ATG5: variants seen among roughly 807,000 people sequenced by gnomAD.
The protein encoded by ATG5 is autophagy related 5, also known as autophagy protein 5.
ATG5 carries 14 observed loss-of-function variants against 36.5 expected under a neutral mutation model. The observed-to-expected ratio is 0.38, with a 90% CI of 0.25 to 0.60. The LOEUF (loss-of-function observed/expected upper bound fraction) is 0.60, where lower values mean the gene tolerates loss of function less well. Among genes scored for constraint, ATG5 ranks in the 20% least tolerant of loss-of-function variants. The pLI is 0.60. For missense variants in ATG5, 195 were observed against 326.7 expected, an observed-to-expected ratio of 0.60 and a Z score of 3.11; for synonymous variants, 95 against 101.5, an observed-to-expected ratio of 0.94 and a Z score of 0.38.
At chr6:106,263,274 G>A (rs1485430477) in intron 5 of ATG5, among the ~76,000 whole-genome samples, 1 of 152,228 alleles carries the variant, frequency 6.6e-6, no homozygotes, top group Non-Finnish European at 1.5e-5. Flanking sequence ...AGTGGCTGTG[G>A]CCAGAGTCCT....
At chr6:106,252,892 G>A (rs970797690) in intron 5 of ATG5, among the ~76,000 whole-genome samples, 2 of 152,192 alleles carry the variant, frequency 1.3e-5, no homozygotes, top group Non-Finnish European at 2.9e-5. Flanking sequence ...AAGACAGACT[G>A]TAAGCTTGTC....
At position 106,226,533 on chromosome 6, in the gene ATG5, A is replaced by C. The variant is rs530229790; in HGVS notation, c.573+21617T>G. Among the ~76,000 whole-genome samples the C allele has an allele frequency of 3.9e-5, 6 of 152,292 alleles. No homozygotes were observed. The South Asian group carries it at 1.0e-3, about 26-fold the overall frequency. ...AGAGTTATTTTAAATATGCGCAAAGAACTAAAAAAAAGTTTATCTAAAGAA... is the reference window on the plus strand; with the variant it reads ...AGAGTTATTTTAAATATGCGCAAAGCACTAAAAAAAAGTTTATCTAAAGAA... On this transcript the variant is annotated intron_variant, in intron 6 of 7. Coordinates refer to ENST00000369076, the MANE Select transcript of ATG5 (RefSeq NM_004849.4).
At chr6:106,275,630 A>C (rs1779613238) in intron 5 of ATG5, among the ~76,000 whole-genome samples, 1 of 152,238 alleles carries the variant, frequency 6.6e-6, no homozygotes, top group African/African-American at 2.4e-5. Flanking sequence ...CAACAGTCAC[A>C]TAAGAAACAA....
chr6:106,224,701 C>A (rs187567268), intron 6 of ATG5, among the ~76,000 whole-genome samples: 211 of 152,152 alleles, frequency 1.4e-3, no homozygotes, highest in African/African-American at 4.3e-3. Flanking sequence ...GATGGAGAAA[C>A]CCTGTCTCCC....
At chr6:106,273,210 C>T (rs1025732912) in intron 5 of ATG5, among the ~76,000 whole-genome samples, 6 of 152,122 alleles carry the variant, frequency 3.9e-5, no homozygotes, top group African/African-American at 1.4e-4. Context: ...TACAACAGAA[C>T]CTGACACTGT....
intron 3 of ATG5, among the ~76,000 whole-genome samples, chr6:106,298,206 G>A (rs1053242638): frequency 1.1e-4 from 16 of 151,898 alleles, no homozygotes; most frequent in Admixed American, 2.6e-4. Flanking sequence ...TGATCTGTCC[G>A]CCTCGGCCTC....
intron 3 of ATG5, among the ~76,000 whole-genome samples, chr6:106,299,447 C>A (rs1770115092): frequency 6.6e-6 from 1 of 152,122 alleles, no homozygotes; most frequent in Non-Finnish European, 1.5e-5. Flanking sequence ...AACACCAACT[C>A]TTATCCAGAA....
intron 7 of ATG5, among the ~76,000 whole-genome samples, chr6:106,200,447 T>A (rs1014659812): frequency 3.3e-5 from 5 of 152,218 alleles, no homozygotes; most frequent in South Asian, 2.1e-4. Flanking sequence ...TTAAAAAAAA[T>A]TTCTATTATA....
At chr6:106,291,619 TTA>T (rs1780310573) in intron 4 of ATG5, among the ~76,000 whole-genome samples, 1 of 152,208 alleles carries the variant, frequency 6.6e-6, no homozygotes, top group African/African-American at 2.4e-5. Flanking sequence ...TCAAAGTATT[TTA>T]GAGCTTATTT....
At chr6:106,195,808 TAAA>T (rs35892579) in intron 7 of ATG5, among the ~76,000 whole-genome samples, 1,742 of 91,332 alleles carry the variant, frequency 0.019, 14 homozygotes, top group Middle Eastern at 0.067. Flanking sequence ...TGCTCCCCTC[TAAA>T]AAAAAAAAAA....
At chr6:106,211,106 T>C (rs1300711711) in intron 6 of ATG5, among the ~76,000 whole-genome samples, 5 of 152,214 alleles carry the variant, frequency 3.3e-5, no homozygotes, top group Non-Finnish European at 7.3e-5. Flanking sequence ...TGACCATTTA[T>C]GGCTAGAAGG....
intron 7 of ATG5, among the ~76,000 whole-genome samples, chr6:106,192,483 T>C (rs563169262): frequency 7.2e-4 from 110 of 152,272 alleles, no homozygotes; most frequent in African/African-American, 2.5e-3. Flanking sequence ...AGTGAGATGC[T>C]TGAGTTTCCT....
At chr6:106,206,018 C>A (rs1387041659) in intron 6 of ATG5, among the ~76,000 whole-genome samples, 2 of 152,086 alleles carry the variant, frequency 1.3e-5, no homozygotes, top group African/African-American at 4.8e-5. Flanking sequence ...CAATTAAGTA[C>A]CTAAGTCAAT....
chr6:106,260,199 T>C (rs897268133), intron 5 of ATG5, among the ~76,000 whole-genome samples: 1 of 152,176 alleles, frequency 6.6e-6, no homozygotes, highest in African/African-American at 2.4e-5. Flanking sequence ...ATGGCACATG[T>C]ATACTTATGT....
intron 1 of ATG5, among the ~76,000 whole-genome samples, chr6:106,316,698 A>G (rs1770864266): frequency 6.6e-6 from 1 of 152,150 alleles, no homozygotes; most frequent in African/African-American, 2.4e-5. Context: ...TACTCCAGAT[A>G]GTTTCTCCTC....
chr6:106,306,889 T>C (rs879713266), intron 3 of ATG5, among the ~76,000 whole-genome samples: 2 of 152,200 alleles, frequency 1.3e-5, no homozygotes, highest in Non-Finnish European at 1.5e-5. Flanking sequence ...TTATCTATGC[T>C]GCGTGAGGTC....
intron 5 of ATG5, among the ~76,000 whole-genome samples, chr6:106,264,243 C>A (rs1023761074): frequency 6.6e-6 from 1 of 151,804 alleles, no homozygotes; most frequent in Non-Finnish European, 1.5e-5. Flanking sequence ...GAAAGGATAT[C>A]AGAGATTGAA....
chr6:106,298,372 T>C (rs1770062112), intron 3 of ATG5, among the ~76,000 whole-genome samples: 1 of 152,092 alleles, frequency 6.6e-6, no homozygotes, highest in African/African-American at 2.4e-5. Flanking sequence ...TTTAAACATA[T>C]GCTTCCTTAA....
intron 2 of ATG5, among the ~76,000 whole-genome samples, chr6:106,313,286 T>C (rs548881448): frequency 4.5e-4 from 69 of 152,324 alleles, no homozygotes; most frequent in African/African-American, 1.6e-3. Flanking sequence ...TCATTTCTCT[T>C]TTCTTCATGA....
Sources: allele counts gnomAD v4.1 joint callset (sites outside exome capture counted in the v4.1 genomes callset), GRCh38; gene constraint gnomAD v4.1.1; transcripts MANE v1.5; gene names NCBI Gene and HGNC (gene_info 2026-07-23, HGNC 2026-07-21).